Variants in CERS6 observed in about 807,000 individuals in gnomAD.
The protein encoded by CERS6 is ceramide synthase 6, also known as LAG1 homolog, ceramide synthase 6.
A neutral mutation model predicts 56.8 loss-of-function variants in CERS6; 26 were observed. The ratio of observed to expected loss-of-function variants is 0.46; its 90% CI spans 0.34 to 0.63. The LOEUF (loss-of-function observed/expected upper bound fraction) is 0.63. Among genes scored for constraint, CERS6 ranks in the 30% least tolerant of loss-of-function variants. The pLI is 0.01. For synonymous variants in CERS6, 164 were observed against 173.3 expected (o/e 0.95, Z 0.42); for missense variants, 415 against 467.5 (o/e 0.89, Z 1.04).
chr2:168,542,806 C>A (rs543863638), intron 1 of CERS6, among the ~76,000 whole-genome samples: 1 of 152,118 alleles, frequency 6.6e-6, no homozygotes, highest in African/African-American at 2.4e-5. Flanking sequence ...AAGCGATTCT[C>A]CTGCCTCAGC....
rs1694221632 is a variant in CERS6, at chr2:168,483,851, T to G, written c.170+27233T>G. Among the ~76,000 whole-genome samples, 3 of 152,090 alleles carry G rather than the reference T, an allele frequency of 2.0e-5. No homozygotes were observed. The South Asian group carries it at 6.2e-4, about 32-fold the overall frequency. On this transcript the variant is annotated intron_variant, in intron 1 of 9. Coordinates refer to ENST00000305747, the MANE Select transcript of CERS6 (RefSeq NM_203463.3). Reference sequence around the variant, plus strand: ...TCTTAAATTTCACTGGGCATCAGAGTCACCTGGAGAGCTCATGAGACCAGA... The same window carrying G: ...TCTTAAATTTCACTGGGCATCAGAGGCACCTGGAGAGCTCATGAGACCAGA...
intron 3 of CERS6, among the ~76,000 whole-genome samples, chr2:168,614,698 C>T (rs1379909112): frequency 3.3e-5 from 5 of 152,166 alleles, no homozygotes; most frequent in African/African-American, 9.7e-5. Context: ...CCCCCATCCC[C>T]CATAGCAGCT....
In CERS6 at chr2:168,765,592, G is replaced by A. The variant is rs1274279715; in HGVS notation, c.846G>A (p.Trp282Ter). 1 of 1,611,646 alleles carries A rather than the reference G, an allele frequency of 6.2e-7. No homozygotes were observed. The highest frequency in any genetic ancestry group is 1.7e-5 in the Admixed American group (1 of 59,576). Reference protein sequence around the residue: ...ITTRLGIFPLWVLNTTLFESW... With the variant: ...ITTRLGIFPL ...CTAATCACCTCCTTCTTTTCCTTAG[G>A]GTGTTAAATACCACATTATTTGAAA... Residue 282 changes from tryptophan to a stop codon, truncating the protein, a stop_gained and splice_region_variant, in exon 9 of 10, where the codon TGG (tryptophan) becomes TGA (stop). Coordinates refer to ENST00000305747, the MANE Select transcript of CERS6 (RefSeq NM_203463.3). LOFTEE classifies it high-confidence loss of function.
At chr2:168,553,971 C>T (rs1009158526) in intron 2 of CERS6, among the ~76,000 whole-genome samples, 4 of 151,858 alleles carry the variant, frequency 2.6e-5, no homozygotes, top group African/African-American at 9.7e-5. Flanking sequence ...TTTAATAGTA[C>T]CAGAGTAAAT....
intron 1 of CERS6, among the ~76,000 whole-genome samples, chr2:168,522,656 C>T (rs1695002735): frequency 6.6e-6 from 1 of 152,120 alleles, no homozygotes; most frequent in Non-Finnish European, 1.5e-5. Context: ...TTTCATTCCC[C>T]TCCCACTGAG....
chr2:168,733,775 A>G (rs1387172249), intron 8 of CERS6, among the ~76,000 whole-genome samples: 2 of 152,204 alleles, frequency 1.3e-5, no homozygotes, highest in Non-Finnish European at 1.5e-5. Context: ...AAGGTTGACA[A>G]GGGTCTTGCC....
intron 3 of CERS6, among the ~76,000 whole-genome samples, chr2:168,607,934 G>T (rs562624914): frequency 6.6e-6 from 1 of 152,334 alleles, no homozygotes; most frequent in East Asian, 1.9e-4. Context: ...TCAGTTATCT[G>T]TTCTTTAATG....
intron 4 of CERS6, among the ~76,000 whole-genome samples, chr2:168,634,675 A>C (rs1399164494): frequency 6.6e-6 from 1 of 152,184 alleles, no homozygotes; most frequent in Non-Finnish European, 1.5e-5. Flanking sequence ...GGCCTCCCAA[A>C]GTGCTGGGAT....
chr2:168,682,322 T>TA (rs1686238743), intron 4 of CERS6, among the ~76,000 whole-genome samples: 1 of 152,114 alleles, frequency 6.6e-6, no homozygotes, highest in Non-Finnish European at 1.5e-5. Flanking sequence ...TAAGAAAAAA[T>TA]AAAAATCCCC....
At chr2:168,671,124 C>T (rs1026798080) in intron 4 of CERS6, among the ~76,000 whole-genome samples, 6 of 151,868 alleles carry the variant, frequency 4.0e-5, no homozygotes, top group Non-Finnish European at 5.9e-5. Flanking sequence ...CCACACCTAG[C>T]TAATTTTTGT....
chr2:168,540,748 T>C (rs1002259075), intron 1 of CERS6, among the ~76,000 whole-genome samples: 2 of 152,246 alleles, frequency 1.3e-5, no homozygotes, highest in African/African-American at 4.8e-5. Flanking sequence ...CAAATTATTT[T>C]TCCCTGTATA....
chr2:168,665,947 G>A (rs1048672635), intron 4 of CERS6, among the ~76,000 whole-genome samples: 1 of 110,132 alleles, frequency 9.1e-6, no homozygotes, highest in Non-Finnish European at 1.7e-5. Flanking sequence ...TAAAAAATTA[G>A]TAGACTGTGT....
chr2:168,615,940 G>A (rs1226951829), intron 3 of CERS6, among the ~76,000 whole-genome samples: 4 of 152,160 alleles, frequency 2.6e-5, no homozygotes, highest in African/African-American at 4.8e-5. Flanking sequence ...AAGTTAAGAC[G>A]AGGGAAAGAA....
chr2:168,668,556 C>T (rs1047303018), intron 4 of CERS6, among the ~76,000 whole-genome samples: 6 of 151,292 alleles, frequency 4.0e-5, no homozygotes, highest in African/African-American at 1.5e-4. Context: ...AAGCAATTCT[C>T]CTGCCTCAGT....
intron 1 of CERS6, among the ~76,000 whole-genome samples, chr2:168,538,798 C>T (rs1198729968): frequency 1.3e-5 from 2 of 152,140 alleles, no homozygotes; most frequent in Non-Finnish European, 2.9e-5. Flanking sequence ...GATAATTGTG[C>T]GTGAAAATCT....
intron 1 of CERS6, among the ~76,000 whole-genome samples, chr2:168,471,201 T>C (rs1236282437): frequency 6.6e-6 from 1 of 152,228 alleles, no homozygotes; most frequent in Non-Finnish European, 1.5e-5. Context: ...GAACCTACTC[T>C]GTCTTAAAAA....
intron 1 of CERS6, among the ~76,000 whole-genome samples, chr2:168,503,035 G>A (rs578038999): frequency 2.8e-4 from 42 of 152,250 alleles, no homozygotes; most frequent in African/African-American, 9.1e-4. Flanking sequence ...GTGACCTGGC[G>A]GGAGGGGATT....
rs977496981 is a variant in CERS6 at position 168,745,894 on chromosome 2, G to T, written c.846-19698G>T. On this transcript the variant is annotated intron_variant, in intron 8 of 9. Transcript: ENST00000305747. ...TCTGAGGGGCTTATACTCACCTGTGGGGATGCCACATTCCCCTCTTAGATT... is the reference window on the plus strand; with the variant it reads ...TCTGAGGGGCTTATACTCACCTGTGTGGATGCCACATTCCCCTCTTAGATT... Among the ~76,000 whole-genome samples the T allele has an allele frequency of 2.6e-5, 4 of 152,156 alleles. No individual in the cohort carries two copies. In the East Asian group the frequency reaches 5.8e-4, roughly 22 times the overall value.
At chr2:168,475,578 C>T (rs1694053926) in intron 1 of CERS6, among the ~76,000 whole-genome samples, 3 of 151,962 alleles carry the variant, frequency 2.0e-5, no homozygotes, top group Middle Eastern at 3.4e-3. Flanking sequence ...AACAATAAGG[C>T]TAGCAGTAAT....
Sources: gnomAD v4.1 joint callset for allele counts (sites outside exome capture counted in the v4.1 genomes callset) on GRCh38, gnomAD v4.1.1 for gene constraint, MANE v1.5 for transcripts, NCBI Gene and HGNC (gene_info 2026-07-23, HGNC 2026-07-21) for gene names.